TRIM37: variants seen among roughly 807,000 people sequenced by gnomAD.
TRIM37 encodes the protein E3 ubiquitin-protein ligase TRIM37.
In TRIM37, 80 loss-of-function variants were observed where a neutral mutation model predicts 129.8. The ratio of observed to expected loss-of-function variants is 0.62; its 90% CI spans 0.51 to 0.74. The LOEUF is 0.74. Among genes scored for constraint, TRIM37 ranks in the 30% least tolerant of loss-of-function variants. The pLI is 0.00. For synonymous variants in TRIM37, 389 were observed against 387.1 expected, an observed-to-expected ratio of 1.00 and a Z score of -0.06; for missense variants, 1,054 against 1,176.5, an observed-to-expected ratio of 0.90 and a Z score of 1.52.
At chr17:59,075,783 T>C (rs1440130035) in intron 7 of TRIM37, 69 bp from the exon 8 acceptor site, 32 of 1,191,184 alleles carry the variant, frequency 2.7e-5, no homozygotes, top group Non-Finnish European at 4.0e-5. Flanking sequence ...TAACTTCCAA[T>C]GAACATATTT....
chr17:59,018,718 CTG>C (rs1161203905), intron 19 of TRIM37, among the ~76,000 whole-genome samples: 3 of 150,870 alleles, frequency 2.0e-5, no homozygotes, highest in African/African-American at 7.3e-5. Flanking sequence ...ATAATAGTAG[CTG>C]TGTTTTTTTT....
At chr17:59,078,440 T>C (rs1469372687) in intron 7 of TRIM37, among the ~76,000 whole-genome samples, 1 of 152,174 alleles carries the variant, frequency 6.6e-6, no homozygotes, top group Non-Finnish European at 1.5e-5. Flanking sequence ...ATTATTTGAC[T>C]TTTAGTTGAT....
At chr17:59,091,366 G>C in intron 2 of TRIM37, 26 bp from the exon 3 acceptor site, 2 of 1,465,416 alleles carry the variant, frequency 1.4e-6, no homozygotes, top group South Asian at 1.2e-5. Flanking sequence ...ATTAGATATC[G>C]ATTAGAAAAC....
In TRIM37 at chr17:59,081,479, G is replaced by A. The variant is rs7214335; in HGVS notation, c.370-260C>T. Among the ~76,000 whole-genome samples, 95,800 of 152,028 alleles carry A rather than the reference G, an allele frequency of 0.63. 30,718 individuals are homozygous for A. Among genetic ancestry groups the A allele is most frequent in the African/African-American group, 0.74 (30,471 of 41,452 alleles). ...AAATTAACTTATTAAAAAGAACCAA[G>A]ATCTTTAACCACAGCCCAAATCATC... is the stretch of plus-strand genomic sequence containing the variant. On this transcript the variant is annotated intron_variant, in intron 5 of 23. Transcript: ENST00000262294.
chr17:58,972,426 C>T, the TRIM37 span: 2 of 819,508 alleles, frequency 2.4e-6, no homozygotes, highest in African/African-American at 1.7e-5. Context: ...TCTTGGCTCA[C>T]TGCAACCTCC....
At chr17:59,087,213 A>C (rs897905530) in intron 4 of TRIM37, among the ~76,000 whole-genome samples, 2 of 152,032 alleles carry the variant, frequency 1.3e-5, no homozygotes, top group African/African-American at 2.4e-5. Flanking sequence ...CTCCTGCCTC[A>C]GCCCCCCAAG....
chr17:59,023,869 G>T (rs540293938), intron 19 of TRIM37, among the ~76,000 whole-genome samples: 1 of 152,196 alleles, frequency 6.6e-6, no homozygotes, highest in Non-Finnish European at 1.5e-5. Context: ...ATCTGCTGAT[G>T]ATATAAATAC....
rs141581707 is a variant in TRIM37, at chr17:58,991,407, G to T, written c.2891+7974C>A. Among the ~76,000 whole-genome samples, 173 of 151,424 alleles carry T rather than the reference G, an allele frequency of 1.1e-3. 1 individual carries two copies. Among genetic ancestry groups the T allele is most frequent in the African/African-American group, 4.0e-3 (164 of 41,250 alleles). ...AAAAATTAGCTGCGCGTGGTGGCAGGTGCCTGTAATCCCAGCTACTCGGAA... is the reference window on the plus strand; with the variant it reads ...AAAAATTAGCTGCGCGTGGTGGCAGTTGCCTGTAATCCCAGCTACTCGGAA... On this transcript the variant is annotated intron_variant, in intron 24 of 24. Transcript: ENST00000393066.
chr17:59,103,324 A>T (rs1261877371), intron 2 of TRIM37, among the ~76,000 whole-genome samples: 3 of 151,882 alleles, frequency 2.0e-5, no homozygotes, highest in African/African-American at 7.3e-5. Context: ...AAAATCTTGG[A>T]CTTCCTCATT....
chr17:59,085,022 A>G (rs2043626160), intron 4 of TRIM37, among the ~76,000 whole-genome samples: 1 of 152,120 alleles, frequency 6.6e-6, no homozygotes, highest in Admixed American at 6.6e-5. Flanking sequence ...TTTATACCAT[A>G]TACACAAATA....
intron 24 of TRIM37, among the ~76,000 whole-genome samples, chr17:58,992,846 C>G (rs1393689482): frequency 1.3e-5 from 2 of 152,196 alleles, no homozygotes; most frequent in African/African-American, 2.4e-5. Context: ...CATACACTAG[C>G]AAGGCCCACC....
Position 59,028,562 on chromosome 17 carries a change from C to T in TRIM37, c.2110G>A (p.Ala704Thr), listed in dbSNP as rs1340089447. The T allele has an allele frequency of 1.9e-6, 3 of 1,614,124 alleles. No homozygotes were observed. Among genetic ancestry groups the T allele is most frequent in the Admixed American group, 1.7e-5 (1 of 60,012 alleles). The change falls in exon 19 of 24, where the codon GCT becomes ACT. Residue 704 changes from alanine to threonine, a missense_variant. This residue lies in a region of TRIM37 where 752 missense variants were observed against 870.8 expected (regional missense o/e 0.86). Coordinates refer to ENST00000262294, the MANE Select transcript of TRIM37 (RefSeq NM_015294.6). ...NTLSEIKSSS[A>T]ASGDMQTSLF... ...CTTGTCTGCATGTCTCCAGAAGCAGCACTGCTGCTTTTTATTTCTGAAAGT... is the reference window on the plus strand; with the variant it reads ...CTTGTCTGCATGTCTCCAGAAGCAGTACTGCTGCTTTTTATTTCTGAAAGT...
chr17:59,024,073 G>A (rs2036936399), intron 19 of TRIM37, among the ~76,000 whole-genome samples: 1 of 151,802 alleles, frequency 6.6e-6, no homozygotes, highest in South Asian at 2.1e-4. Context: ...AACTAGCCGG[G>A]CGTGGTGGCA....
In TRIM37 at chr17:59,104,391, T is replaced by G; in HGVS notation, c.25A>C (p.Ile9Leu). Residue 9 changes from isoleucine (I) to leucine (L), a missense_variant, in exon 2 of 24, where the codon ATT becomes CTT. By Grantham distance (5) the Ile-to-Leu change is conservative (BLOSUM62 2). Transcript: ENST00000262294. Reference sequence around the variant, plus strand: ...ATGAAACATCGGAAAACCTCAGCAATGCTCTGAAAACAGTAAAAGATGTAA... The same window carrying G: ...ATGAAACATCGGAAAACCTCAGCAAGGCTCTGAAAACAGTAAAAGATGTAA... Reference protein sequence around the residue: MDEQSVESIAEVFRCFICM... With the variant: MDEQSVESLAEVFRCFICM... 6.2e-7 allele frequency: 1 copy of G among 1,614,112 alleles called. No individual in the cohort carries two copies.
chr17:58,998,298 A>G lies in TRIM37; in HGVS notation c.*1079T>C, dbSNP rs1427367440. ...TTCAGCAAGACATCAGACACGGAAG[A>G]GTGAACAATATTCACTAAGTAAAAT... On this transcript the variant is annotated 3_prime_UTR_variant, in exon 24 of 24. Coordinates refer to ENST00000262294, the MANE Select transcript of TRIM37 (RefSeq NM_015294.6). 1.0e-6 allele frequency: 1 copy of G among 985,324 alleles called. No individual in the cohort carries two copies. Among genetic ancestry groups the G allele is most frequent in the African/African-American group, 1.7e-5 (1 of 57,266 alleles). 61.0% of individuals were successfully genotyped at this position (985,324 alleles called of 1,614,324 possible). A position where few individuals can be genotyped will look rare whatever the true frequency, so the allele number is the denominator to read the frequency against.
At chr17:59,016,852 TTTG>T (rs1172671187) in intron 20 of TRIM37, among the ~76,000 whole-genome samples, 1 of 151,976 alleles carries the variant, frequency 6.6e-6, no homozygotes, top group East Asian at 1.9e-4. Flanking sequence ...ATGGCTGTAT[TTTG>T]TTAAGGGTCT....
At chr17:59,025,633 G>A (rs564255814) in intron 19 of TRIM37, among the ~76,000 whole-genome samples, 3 of 152,084 alleles carry the variant, frequency 2.0e-5, no homozygotes, top group South Asian at 2.1e-4. Context: ...CCACCTATAC[G>A]AAAGTTGGCC....
intron 16 of TRIM37, among the ~76,000 whole-genome samples, chr17:59,045,375 C>G (rs2146006829): frequency 6.6e-6 from 1 of 151,322 alleles, no homozygotes; most frequent in South Asian, 2.1e-4. Flanking sequence ...CGAAGTGGAT[C>G]ACACCTGTAA....
At chr17:58,985,276 G>C (rs1023640560) in intron 24 of TRIM37, 2 of 152,584 alleles carry the variant, frequency 1.3e-5, no homozygotes, top group African/African-American at 4.8e-5. Flanking sequence ...TCCTGAGATG[G>C]ACGTTAAGTT....
Sources: allele counts gnomAD v4.1 joint callset (sites outside exome capture counted in the v4.1 genomes callset), GRCh38; gene constraint gnomAD v4.1.1; regional missense constraint gnomAD v4.1.1; transcripts MANE v1.5; gene names NCBI Gene and HGNC (gene_info 2026-07-23, HGNC 2026-07-21).